STARD9: variants seen among roughly 807,000 people sequenced by gnomAD.
The protein encoded by STARD9 is StAR related lipid transfer domain containing 9, also known as stAR-related lipid transfer protein 9.
STARD9 carries 346 observed loss-of-function variants against 399.8 expected under a neutral mutation model. The ratio of observed to expected loss-of-function variants is 0.87; its 90% CI spans 0.79 to 0.95. The LOEUF (loss-of-function observed/expected upper bound fraction) is 0.95, where lower values mean the gene tolerates loss of function less well. Ranked by LOEUF, STARD9 falls within the 40% of genes least tolerant of loss-of-function variation. The pLI is 0.00. For synonymous variants in STARD9, 2,203 were observed against 2,143.5 expected (o/e 1.03, Z -0.77); for missense variants, 5,832 against 5,667.5 (o/e 1.03, Z -0.93).
chr15:42,597,939 G>A (rs62019319), intron 3 of STARD9, among the ~76,000 whole-genome samples: 1 of 151,898 alleles, frequency 6.6e-6, no homozygotes, highest in African/African-American at 2.4e-5. Context: ...CCAAAGTGCT[G>A]GGATTACAGG....
intron 26 of STARD9, among the ~76,000 whole-genome samples, chr15:42,707,114 A>G (rs1282696263): frequency 1.3e-5 from 2 of 152,070 alleles, no homozygotes; most frequent in Admixed American, 1.3e-4. Context: ...GAAAGGTGGT[A>G]GTTTTCTTTT....
At chr15:42,712,130 A>ATATATATAATATATATATTAT (rs1390998882) in intron 26 of STARD9, among the ~76,000 whole-genome samples, 1 of 83,750 alleles carries the variant, frequency 1.2e-5, no homozygotes, top group African/African-American at 4.4e-5. Context: ...TATATATATA[A>ATATATATAATATATATATTAT]ATGTGCCTTT....
intron 9 of STARD9, among the ~76,000 whole-genome samples, chr15:42,659,784 A>G (rs1353282811): frequency 6.6e-6 from 1 of 152,150 alleles, no homozygotes; most frequent in Non-Finnish European, 1.5e-5. Context: ...TCCACCTCCC[A>G]AAGTGCTGGG....
chr15:42,622,028 C>T (rs1266992644), intron 3 of STARD9, among the ~76,000 whole-genome samples: 2 of 152,046 alleles, frequency 1.3e-5, no homozygotes, highest in Non-Finnish European at 2.9e-5. Context: ...GATCTAATAC[C>T]ATACAATTCA....
chr15:42,604,392 A>C (rs2058689386), intron 3 of STARD9, among the ~76,000 whole-genome samples: 1 of 152,198 alleles, frequency 6.6e-6, no homozygotes, highest in African/African-American at 2.4e-5. Context: ...AAAATATGCC[A>C]AGAATTGTGC....
chr15:42,686,648 C>T lies in STARD9; in HGVS notation c.5070C>T (p.Ser1690=). Residue 1690 remains serine, a synonymous_variant, in exon 23 of 33, where the codon AGC becomes AGT. Transcript: ENST00000290607. ...AVQPGQLSPD[S]HYPLEEEKTD... ...AGCCAGGGCAATTAAGTCCCGACAGCCACTACCCACTAGAGGAAGAGAAGA... is the reference window on the plus strand; with the variant it reads ...AGCCAGGGCAATTAAGTCCCGACAGTCACTACCCACTAGAGGAAGAGAAGA... 6.5e-7 allele frequency: 1 copy of T among 1,537,530 alleles called. No homozygotes were observed. Among genetic ancestry groups the T allele is most frequent in the Non-Finnish European group, 8.7e-7 (1 of 1,146,978 alleles).
intron 10 of STARD9, 82 bp from the exon 11 acceptor site, chr15:42,662,712 T>A: frequency 1.1e-6 from 1 of 880,786 alleles, no homozygotes; most frequent in East Asian, 2.7e-5. Flanking sequence ...ATATACAGAA[T>A]AACGGATAGT....
rs2059121103 is a variant in STARD9, at chr15:42,622,986, T to C, written c.235-11870T>C. Among the ~76,000 whole-genome samples the C allele has an allele frequency of 6.6e-5, 10 of 152,300 alleles. No homozygotes were observed. The South Asian group carries it at 2.1e-3, about 32-fold the overall frequency. On this transcript the variant is annotated intron_variant, in intron 3 of 32. Coordinates refer to ENST00000290607, the MANE Select transcript of STARD9 (RefSeq NM_020759.3). ...GCAGATCAGGGCCAGGCGTGGTAGC[T>C]CACGCCTGTAATCCCAGCACTTTGG...
At chr15:42,675,499 CAAGATGTA>C in intron 18 of STARD9, 157 bp from the exon 19 acceptor site, 1 of 601,916 alleles carries the variant, frequency 1.7e-6, no homozygotes, top group Admixed American at 2.9e-5. Context: ...CTTATTAATT[CAAGATGTA>C]TGCTGTGAGA....
At position 42,686,747 on chromosome 15, in the gene STARD9, A is replaced by G; in HGVS notation, c.5169A>G (p.Pro1723=). The G allele has an allele frequency of 6.5e-7, 1 of 1,537,594 alleles. No homozygotes were observed. Residue 1723 remains proline, a synonymous_variant, in exon 23 of 33, where the codon CCA becomes CCG. Transcript: ENST00000290607. ...INVSFALPSG[P]ELYLHSAPWN... is the part of the protein sequence containing the mutation. ...TTTCCTTTGCCCTTCCTTCAGGTCC[A>G]GAGCTATACCTTCACTCTGCTCCCT...
chr15:42,620,833 CA>C (rs1305105003), intron 3 of STARD9, among the ~76,000 whole-genome samples: 3 of 152,006 alleles, frequency 2.0e-5, no homozygotes, highest in Non-Finnish European at 4.4e-5. Flanking sequence ...TGGCTCACTG[CA>C]ACCTCCACCT....
intron 3 of STARD9, among the ~76,000 whole-genome samples, chr15:42,620,692 C>T (rs907602567): frequency 2.6e-5 from 4 of 151,926 alleles, no homozygotes; most frequent in South Asian, 2.1e-4. Context: ...TTAACACTTA[C>T]GAAGATTACA....
chr15:42,619,480 G>A (rs1297941003), intron 3 of STARD9, among the ~76,000 whole-genome samples: 1 of 151,924 alleles, frequency 6.6e-6, no homozygotes, highest in African/African-American at 2.4e-5. Flanking sequence ...TGGAAGGGGA[G>A]GGGTTTTAGG....
chr15:42,693,779 G>A lies in STARD9; in HGVS notation c.12201G>A (p.Gly4067=), dbSNP rs945718439. Residue 4067 remains glycine, a synonymous_variant, in exon 23 of 33, where the codon GGG becomes GGA. Transcript: ENST00000290607. ...GAGGTGAGAGTTCAGCATCTCCAGG[G>A]GAACCACAACGCACTCTGGACCGAC... The part of the protein sequence containing the change: ...ENGGESSASP[G]EPQRTLDRPS... 9 of 1,536,270 alleles carry A rather than the reference G, an allele frequency of 5.9e-6. No individual in the cohort carries two copies. The African/African-American group carries it at 1.1e-4, about 19-fold the overall frequency.
Position 42,685,167 on chromosome 15 carries a change from C to T in STARD9, c.3589C>T (p.Gln1197Ter). 6.5e-7 allele frequency: 1 copy of T among 1,537,168 alleles called. No individual in the cohort carries two copies. Among genetic ancestry groups the T allele is most frequent in the Non-Finnish European group, 8.7e-7 (1 of 1,146,924 alleles). Reference sequence around the variant, plus strand: ...AGCCTCAGACAGTGACCTACTTGCTCAAACTCATAGGAGCTTCTCCTTGGA... The same window carrying T: ...AGCCTCAGACAGTGACCTACTTGCTTAAACTCATAGGAGCTTCTCCTTGGA... ...TAASDSDLLA[Q>*]THRSFSLDSL... Residue 1197 changes from glutamine (Q) to a stop codon, truncating the protein, a stop_gained, in exon 23 of 33, where the codon CAA becomes TAA. Transcript: ENST00000290607. LOFTEE classifies it high-confidence loss of function.
In STARD9 at chr15:42,685,911, A is replaced by G. The variant is rs776842099; in HGVS notation, c.4333A>G (p.Ile1445Val). The part of the protein sequence containing the change: ...GADGTFQGRC[I>V]PDMTQQGSSE... ...TGATGGCACCTTTCAGGGCAGATGT[A>G]TCCCTGACATGACCCAGCAGGGCAG... Residue 1445 changes from isoleucine to valine, a missense_variant, in exon 23 of 33, where the codon ATC (isoleucine) becomes GTC (valine). This residue lies in a region of STARD9 where 5,828 missense variants were observed against 5,651.1 expected (regional missense o/e 1.03). Transcript: ENST00000290607. 3.9e-6 allele frequency: 6 copies of G among 1,537,180 alleles called. No homozygotes were observed. Among genetic ancestry groups the G allele is most frequent in the Non-Finnish European group, 5.2e-6 (6 of 1,146,924 alleles).
intron 20 of STARD9, among the ~76,000 whole-genome samples, chr15:42,677,847 T>C (rs2060342691): frequency 6.6e-6 from 1 of 152,166 alleles, no homozygotes; most frequent in Admixed American, 6.5e-5. Flanking sequence ...TGCCTCCCTT[T>C]CTCTTTCTTG....
intron 26 of STARD9, among the ~76,000 whole-genome samples, chr15:42,697,993 C>T (rs1219516344): frequency 6.6e-6 from 1 of 152,156 alleles, no homozygotes; most frequent in Non-Finnish European, 1.5e-5. Context: ...TTTATGCATA[C>T]AAAATAAAGC....
intron 26 of STARD9, among the ~76,000 whole-genome samples, chr15:42,704,775 C>T (rs1270858733): frequency 6.6e-6 from 1 of 152,158 alleles, no homozygotes; most frequent in African/African-American, 2.4e-5. Flanking sequence ...ATGCATAATT[C>T]GGTCTCCTTC....
Sources: gnomAD v4.1 joint callset for allele counts (sites outside exome capture counted in the v4.1 genomes callset) on GRCh38, gnomAD v4.1.1 for gene constraint, gnomAD v4.1.1 regional missense constraint, MANE v1.5 for transcripts, NCBI Gene and HGNC (gene_info 2026-07-23, HGNC 2026-07-21) for gene names.